The following PTK2 variants were observed in gnomAD, a reference collection of about 807,000 sequenced individuals.
The protein encoded by PTK2 is protein tyrosine kinase 2.
In PTK2, 45 loss-of-function variants were observed where a neutral mutation model predicts 150.1. The ratio of observed to expected loss-of-function variants is 0.30; its 90% CI spans 0.24 to 0.38. The LOEUF (loss-of-function observed/expected upper bound fraction) is 0.38, where lower values mean the gene tolerates loss of function less well. Among genes scored for constraint, PTK2 ranks in the 10% least tolerant of loss-of-function variants. PTK2 has a pLI of 1.00. For synonymous variants in PTK2, 432 were observed against 449.2 expected, an observed-to-expected ratio of 0.96 and a Z score of 0.48; for missense variants, 919 against 1,307.3, an observed-to-expected ratio of 0.70 and a Z score of 4.58.
intron 22 of PTK2, among the ~76,000 whole-genome samples, chr8:140,730,301 A>C (rs2100048453): frequency 6.6e-6 from 1 of 152,274 alleles, no homozygotes; most frequent in Admixed American, 6.5e-5. Flanking sequence ...CCAACAGTGG[A>C]ATAAACTATA....
At chr8:140,901,748 C>T (rs548057813) in intron 2 of PTK2, among the ~76,000 whole-genome samples, 36 of 151,502 alleles carry the variant, frequency 2.4e-4, no homozygotes, top group African/African-American at 8.7e-4. Flanking sequence ...TGGTTTGCTG[C>T]ACCCATCAAC....
At chr8:140,803,187 G>C (rs557453010) in intron 11 of PTK2, among the ~76,000 whole-genome samples, 1 of 151,494 alleles carries the variant, frequency 6.6e-6, no homozygotes, top group East Asian at 1.9e-4. Context: ...GCTTATCTTT[G>C]TATTTTTAAT....
chr8:140,912,196 T>G (rs1296892973), intron 2 of PTK2, among the ~76,000 whole-genome samples: 1 of 151,034 alleles, frequency 6.6e-6, no homozygotes, highest in African/African-American at 2.4e-5. Flanking sequence ...TGAGCTATGA[T>G]TATGACACTG....
At chr8:140,786,727 A>C (rs183225901) in intron 14 of PTK2, among the ~76,000 whole-genome samples, 2 of 152,074 alleles carry the variant, frequency 1.3e-5, no homozygotes, top group East Asian at 3.9e-4. Context: ...GACAAACAGG[A>C]CTCCGAACAA....
At chr8:140,938,786 A>G (rs2100174615) in intron 1 of PTK2, among the ~76,000 whole-genome samples, 1 of 152,216 alleles carries the variant, frequency 6.6e-6, no homozygotes, top group Admixed American at 6.5e-5. Context: ...CAAACATTTG[A>G]CCAAGCTTTG....
At position 140,941,901 on chromosome 8, in the gene PTK2, TTTA is replaced by T. The variant is rs199891100; in HGVS notation, c.-121-16155_-121-16153del. On this transcript the variant is annotated intron_variant, in intron 1 of 31. Coordinates refer to ENST00000522684, the Ensembl canonical transcript of PTK2. ...TTTGTTTGTTTGTTTGTTTGTTTGT[TTTA>T]TTGAGAGAGGGACTTGCTCTGTCGT... Among the ~76,000 whole-genome samples the T allele has an allele frequency of 4.8e-4, 73 of 151,478 alleles. No individual in the cohort carries two copies. The East Asian group carries it at 0.011, about 24-fold the overall frequency.
At chr8:140,787,966 G>GC (rs1207875357) in intron 14 of PTK2, among the ~76,000 whole-genome samples, 1 of 152,186 alleles carries the variant, frequency 6.6e-6, no homozygotes, top group African/African-American at 2.4e-5. Context: ...TGTGACTGTA[G>GC]CATGTGTGGT....
At chr8:140,935,607 T>C (rs1171826535) in intron 1 of PTK2, among the ~76,000 whole-genome samples, 1 of 152,176 alleles carries the variant, frequency 6.6e-6, no homozygotes, top group Non-Finnish European at 1.5e-5. Context: ...CAAAGACCTC[T>C]ATCTGAGATT....
chr8:140,683,318 T>C (rs1247892905), intron 27 of PTK2, among the ~76,000 whole-genome samples: 1 of 152,164 alleles, frequency 6.6e-6, no homozygotes, highest in Non-Finnish European at 1.5e-5. Flanking sequence ...AGCGAATCCC[T>C]GAACAGACCA....
intron 2 of PTK2, among the ~76,000 whole-genome samples, chr8:140,892,934 T>C (rs1446029835): frequency 6.6e-6 from 1 of 152,230 alleles, no homozygotes; most frequent in East Asian, 1.9e-4. Flanking sequence ...GAAAATAGTT[T>C]GGCAGTTCCT....
intron 1 of PTK2, among the ~76,000 whole-genome samples, chr8:140,987,465 G>A (rs2100193725): frequency 6.6e-6 from 1 of 152,212 alleles, no homozygotes; most frequent in Non-Finnish European, 1.5e-5. Context: ...ATAGGCATCA[G>A]CCACGGTGCC....
intron 12 of PTK2, among the ~76,000 whole-genome samples, chr8:140,793,977 G>A (rs754872248): frequency 1.6e-4 from 24 of 152,118 alleles, no homozygotes; most frequent in Admixed American, 7.2e-4. Context: ...GGCTCATGCC[G>A]GCCTGACCAC....
In PTK2 at chr8:140,923,666, C is replaced by A. The variant is rs542350104; in HGVS notation, c.-33+1995G>T. ...CTCTATATTCCCTTATTTATGAATTCTACATACTAATATAAAAGCCAACCA... is the reference window on the plus strand; with the variant it reads ...CTCTATATTCCCTTATTTATGAATTATACATACTAATATAAAAGCCAACCA... On this transcript the variant is annotated intron_variant, in intron 2 of 31. Coordinates refer to ENST00000522684, the Ensembl canonical transcript of PTK2. Among the ~76,000 whole-genome samples, 14 of 152,286 alleles carry A rather than the reference C, an allele frequency of 9.2e-5. No individual in the cohort carries two copies. The South Asian group carries it at 2.9e-3, about 32-fold the overall frequency.
At chr8:140,890,685 G>A (rs372781106) in exon 3 of PTK2, 1 of 1,614,018 alleles carries the variant, frequency 6.2e-7, no homozygotes, top group African/African-American at 1.3e-5. Flanking sequence ...GTGAGTCTTA[G>A]TACTCGAATT....
chr8:140,890,215 G>T, intron 3 of PTK2: 1 of 225,902 alleles, frequency 4.4e-6, no homozygotes. Flanking sequence ...TTTATTTCAT[G>T]ACTGTTAGAG....
intron 19 of PTK2, 127 bp from the exon 23 acceptor site, chr8:140,743,457 ATATT>A (rs2100056873): frequency 7.6e-6 from 4 of 525,926 alleles, no homozygotes; most frequent in East Asian, 3.0e-5. Flanking sequence ...AGATTATATG[ATATT>A]TATTATAGGA....
intron 1 of PTK2, among the ~76,000 whole-genome samples, chr8:140,926,313 G>C (rs1464895265): frequency 2.0e-5 from 3 of 152,210 alleles, no homozygotes; most frequent in African/African-American, 7.2e-5. Flanking sequence ...GTCAGGTGCA[G>C]AGCTGGGATA....
chr8:140,795,054 C>T (rs2100090797), intron 12 of PTK2, among the ~76,000 whole-genome samples: 1 of 152,160 alleles, frequency 6.6e-6, no homozygotes, highest in South Asian at 2.1e-4. Flanking sequence ...GCTTTACTGT[C>T]CAACTCTATC....
At chr8:140,962,698 G>A (rs563150282) in intron 1 of PTK2, among the ~76,000 whole-genome samples, 2 of 151,892 alleles carry the variant, frequency 1.3e-5, no homozygotes, top group African/African-American at 4.8e-5. Flanking sequence ...AGAGAATGGC[G>A]TGAATCGGGG....
Sources: gnomAD v4.1 joint callset for allele counts (sites outside exome capture counted in the v4.1 genomes callset) on GRCh38, gnomAD v4.1.1 for gene constraint, MANE v1.5 for transcripts, NCBI Gene and HGNC (gene_info 2026-07-23, HGNC 2026-07-21) for gene names.